The following COP1 variants were observed in gnomAD, a reference collection of about 807,000 sequenced individuals.
The protein encoded by COP1 is E3 ubiquitin-protein ligase COP1.
A neutral mutation model predicts 101.3 loss-of-function variants in COP1; 24 were observed. The observed-to-expected ratio is 0.24, with a 90% CI of 0.17 to 0.33. COP1 has a LOEUF of 0.33. COP1 is among the 10% of genes least tolerant of loss of function. COP1 has a pLI of 1.00. For missense variants in COP1, 663 were observed against 906.2 expected (o/e 0.73, Z 3.45); for synonymous variants, 347 against 341.9 (o/e 1.01, Z -0.17).
At chr1:176,109,783 T>C (rs936271717) in intron 9 of COP1, among the ~76,000 whole-genome samples, 1 of 152,216 alleles carries the variant, frequency 6.6e-6, no homozygotes, top group Non-Finnish European at 1.5e-5. Flanking sequence ...GTTATTTTAA[T>C]GTACTCAGTA....
chr1:176,010,836 GAATT>G (rs1214276867), intron 15 of COP1, among the ~76,000 whole-genome samples: 1 of 152,138 alleles, frequency 6.6e-6, no homozygotes, highest in South Asian at 2.1e-4. Flanking sequence ...CCAACAAGAT[GAATT>G]AATACTTGAC....
At chr1:176,074,064 T>A (rs1677499314) in intron 11 of COP1, among the ~76,000 whole-genome samples, 1 of 152,126 alleles carries the variant, frequency 6.6e-6, no homozygotes, top group African/African-American at 2.4e-5. Context: ...GTAGCTGGGA[T>A]TACAGGCATA....
chr1:176,140,607 G>T (rs569870318), intron 6 of COP1, among the ~76,000 whole-genome samples: 1 of 152,018 alleles, frequency 6.6e-6, no homozygotes, highest in Non-Finnish European at 1.5e-5. Flanking sequence ...AGAAGAAATG[G>T]GCTAAATTCA....
intron 11 of COP1, among the ~76,000 whole-genome samples, chr1:176,060,055 C>A (rs1325323519): frequency 2.0e-5 from 3 of 152,074 alleles, no homozygotes; most frequent in Admixed American, 1.3e-4. Flanking sequence ...ATTCCATAGG[C>A]ACTAAATTGA....
intron 14 of COP1, 100 bp from the exon 15 acceptor site, chr1:176,027,788 T>A (rs1459869377): frequency 2.8e-6 from 2 of 711,320 alleles, no homozygotes; most frequent in Non-Finnish European, 5.0e-6. Context: ...CAGAAATCTT[T>A]TTGTGCCACT....
chr1:176,180,235 T>C (rs1486164136), intron 2 of COP1, among the ~76,000 whole-genome samples: 1 of 152,182 alleles, frequency 6.6e-6, no homozygotes, highest in Non-Finnish European at 1.5e-5. Flanking sequence ...ACTCAGTAAA[T>C]GTTGAATGCA....
intron 15 of COP1, among the ~76,000 whole-genome samples, chr1:176,015,027 G>A (rs1273325388): frequency 6.6e-6 from 1 of 152,140 alleles, no homozygotes; most frequent in Non-Finnish European, 1.5e-5. Context: ...GACTGGGTGA[G>A]TCTCCTTGAC....
intron 5 of COP1, among the ~76,000 whole-genome samples, chr1:176,153,186 A>T (rs1196103680): frequency 1.3e-5 from 2 of 152,078 alleles, no homozygotes. Flanking sequence ...TTTGTACAGA[A>T]GGTTGTAAGG....
intron 5 of COP1, among the ~76,000 whole-genome samples, chr1:176,155,311 C>T (rs1693280704): frequency 6.6e-6 from 1 of 151,704 alleles, no homozygotes; most frequent in African/African-American, 2.4e-5. Context: ...ATCCTTGCTC[C>T]TAAAAACTAA....
intron 5 of COP1, among the ~76,000 whole-genome samples, chr1:176,150,518 T>C (rs542163437): frequency 1.3e-5 from 2 of 152,310 alleles, no homozygotes; most frequent in East Asian, 3.9e-4. Context: ...CGACAAAGCA[T>C]CCAAGCCTTC....
intron 16 of COP1, 72 bp downstream of exon 16, chr1:175,989,290 G>A (rs1657852739): frequency 2.6e-6 from 2 of 764,728 alleles, no homozygotes; most frequent in South Asian, 1.5e-5. Context: ...TACACCCTCA[G>A]TGACATTACA....
intron 14 of COP1, 62 bp from the exon 15 acceptor site, chr1:176,027,750 G>A: frequency 1.0e-6 from 1 of 989,670 alleles, no homozygotes; most frequent in Non-Finnish European, 1.6e-6. Context: ...AAATGCTTCT[G>A]TAACTTGGGA....
At chr1:176,124,341 C>G (rs1687660060) in intron 8 of COP1, among the ~76,000 whole-genome samples, 1 of 151,982 alleles carries the variant, frequency 6.6e-6, no homozygotes, top group African/African-American at 2.4e-5. Context: ...GTTATGCTAT[C>G]AAATACTAGA....
At chr1:176,034,210 T>C (rs1669100330) in intron 14 of COP1, among the ~76,000 whole-genome samples, 1 of 152,178 alleles carries the variant, frequency 6.6e-6, no homozygotes, top group South Asian at 2.1e-4. Context: ...CTCTTCTCCC[T>C]TGGCAAGCTA....
intron 15 of COP1, among the ~76,000 whole-genome samples, chr1:176,012,202 T>C (rs760808526): frequency 6.6e-6 from 1 of 152,172 alleles, no homozygotes. Flanking sequence ...GGTGCAATAA[T>C]GGCTCACTGC....
At chr1:176,053,896 C>T (rs986763237) in intron 11 of COP1, among the ~76,000 whole-genome samples, 3 of 152,176 alleles carry the variant, frequency 2.0e-5, no homozygotes, top group Non-Finnish European at 4.4e-5. Context: ...CCTGGCAAAA[C>T]TAACCCTAGT....
chr1:176,140,464 T>C lies in COP1; in HGVS notation c.832-3917A>G, dbSNP rs1011412706. Among the ~76,000 whole-genome samples the C allele has an allele frequency of 5.9e-5, 9 of 152,204 alleles. No homozygotes were observed. In the South Asian group the frequency reaches 1.9e-3, roughly 32 times the overall value. On this transcript the variant is annotated intron_variant, in intron 6 of 19. Transcript: ENST00000367669. ...ACTGTTGAGAGAGCACATATTAAATTTGAGGTGTTTCCATTTTAAGATGAG... is the reference window on the plus strand; with the variant it reads ...ACTGTTGAGAGAGCACATATTAAATCTGAGGTGTTTCCATTTTAAGATGAG...
chr1:175,963,194 A>T (rs998290734), intron 18 of COP1, among the ~76,000 whole-genome samples: 1 of 152,112 alleles, frequency 6.6e-6, no homozygotes, highest in Non-Finnish European at 1.5e-5. Flanking sequence ...TCATGGGATT[A>T]TCTTCACAGT....
intron 16 of COP1, chr1:175,988,767 A>T: frequency 5.7e-6 from 1 of 176,312 alleles, no homozygotes; most frequent in Non-Finnish European, 1.2e-5. Flanking sequence ...TGGGGGGCAG[A>T]TGCTGCAGTG....
Sources: gnomAD v4.1 joint callset for allele counts (sites outside exome capture counted in the v4.1 genomes callset) on GRCh38, gnomAD v4.1.1 for gene constraint, MANE v1.5 for transcripts, NCBI Gene and HGNC (gene_info 2026-07-23, HGNC 2026-07-21) for gene names.